Variants in RANBP2 observed in about 807,000 individuals in gnomAD.
The protein encoded by RANBP2 is E3 SUMO-protein ligase RanBP2.
A neutral mutation model predicts 303.6 loss-of-function variants in RANBP2; 57 were observed. That is an observed-to-expected ratio of 0.19 (90% CI 0.15 to 0.23). The LOEUF is 0.23. Among genes scored for constraint, RANBP2 ranks in the 10% least tolerant of loss-of-function variants. RANBP2 has a pLI of 1.00. For synonymous variants in RANBP2, 1,167 were observed against 1,301.5 expected (o/e 0.90, Z 2.23); for missense variants, 3,138 against 3,780.8 (o/e 0.83, Z 4.46).
At chr2:108,801,973 G>A in the RANBP2 span, among the ~76,000 whole-genome samples, 10 of 92,216 alleles carry the variant, frequency 1.1e-4, no homozygotes, top group African/African-American at 3.4e-4. Context: ...GCTCTGTTCT[G>A]TTCCATTGAT....
the RANBP2 span, among the ~76,000 whole-genome samples, chr2:109,382,594 C>T: frequency 3.9e-5 from 6 of 152,192 alleles, no homozygotes; most frequent in African/African-American, 1.2e-4. Flanking sequence ...GCACCCCAGT[C>T]GTCTCCAGGA....
chr2:109,633,159 T>TG, the RANBP2 span, among the ~76,000 whole-genome samples: 3 of 152,054 alleles, frequency 2.0e-5, no homozygotes, highest in African/African-American at 7.2e-5. Context: ...TGGGAGGCCA[T>TG]GGCGGGTGGA....
At chr2:109,391,208 AG>A in the RANBP2 span, among the ~76,000 whole-genome samples, 1 of 152,254 alleles carries the variant, frequency 6.6e-6, no homozygotes, top group Non-Finnish European at 1.5e-5. Context: ...TGTGCAGTGC[AG>A]GTCTGCACCT....
At chr2:109,300,859 A>C in the RANBP2 span, among the ~76,000 whole-genome samples, 5,218 of 152,200 alleles carry the variant, frequency 0.034, 155 homozygotes, top group Non-Finnish European at 0.049. Context: ...AATCAGAACG[A>C]CTTAAAAAGC....
chr2:108,759,055 G>C (rs143990090), intron 18 of RANBP2, among the ~76,000 whole-genome samples: 3,265 of 149,910 alleles, frequency 0.022, 140 homozygotes, highest in African/African-American at 0.078. Flanking sequence ...AAGATAACCT[G>C]TCTGAAACGT....
At chr2:109,678,361 T>C in the RANBP2 span, among the ~76,000 whole-genome samples, 1 of 152,254 alleles carries the variant, frequency 6.6e-6, no homozygotes, top group Non-Finnish European at 1.5e-5. Flanking sequence ...GCCTGCCTTC[T>C]GCTCCCTGCA....
At chr2:108,956,553 C>A in the RANBP2 span, among the ~76,000 whole-genome samples, 2 of 152,208 alleles carry the variant, frequency 1.3e-5, no homozygotes, top group African/African-American at 4.8e-5. Context: ...TCTGGCAAGG[C>A]ACAAGGCTCC....
At chr2:109,507,468 C>T in the RANBP2 span, among the ~76,000 whole-genome samples, 6 of 152,202 alleles carry the variant, frequency 3.9e-5, no homozygotes, top group Admixed American at 2.6e-4. Flanking sequence ...GCTTCTGTTC[C>T]GCCTGTGGTC....
the RANBP2 span, among the ~76,000 whole-genome samples, chr2:109,456,927 G>A: frequency 6.6e-6 from 1 of 152,248 alleles, no homozygotes; most frequent in Non-Finnish European, 1.5e-5. Context: ...ACGAGGGAAG[G>A]AGCACAGTCA....
At chr2:109,432,374 C>A in the RANBP2 span, 9 of 1,188,832 alleles carry the variant, frequency 7.6e-6, no homozygotes, top group African/African-American at 1.5e-5. Context: ...ACTGCAGAGC[C>A]CCCATAGACT....
the RANBP2 span, among the ~76,000 whole-genome samples, chr2:109,714,342 G>T: frequency 6.6e-6 from 1 of 151,778 alleles, no homozygotes; most frequent in Non-Finnish European, 1.5e-5. Flanking sequence ...TCGCTCTGTC[G>T]CCAGGCTGGA....
chr2:109,065,605 G>A, the RANBP2 span, among the ~76,000 whole-genome samples: 1 of 152,228 alleles, frequency 6.6e-6, no homozygotes, highest in African/African-American at 2.4e-5. Context: ...AGCCTGGAAA[G>A]GAGGCGGTCC....
At chr2:108,876,162 A>G in the RANBP2 span, 3 of 1,612,356 alleles carry the variant, frequency 1.9e-6, no homozygotes, top group African/African-American at 4.0e-5. Context: ...ACAAACCCAG[A>G]GCATGCATTT....
chr2:109,602,367 T>C, the RANBP2 span, among the ~76,000 whole-genome samples: 1 of 152,062 alleles, frequency 6.6e-6, no homozygotes, highest in Non-Finnish European at 1.5e-5. Context: ...TGGAACTAAA[T>C]CTCAAGGCTT....
chr2:109,640,686 G>C, the RANBP2 span, among the ~76,000 whole-genome samples: 1 of 152,068 alleles, frequency 6.6e-6, no homozygotes, highest in Non-Finnish European at 1.5e-5. Flanking sequence ...CTGCTCTTAG[G>C]AGTCCCGGCC....
intron 1 of RANBP2, among the ~76,000 whole-genome samples, chr2:108,721,526 C>T (rs1229964954): frequency 1.3e-5 from 2 of 152,124 alleles, no homozygotes; most frequent in African/African-American, 2.4e-5. Context: ...CTGCACCTTC[C>T]GCCTCCCCAG....
chr2:109,403,302 T>G, the RANBP2 span, among the ~76,000 whole-genome samples: 2 of 152,192 alleles, frequency 1.3e-5, no homozygotes, highest in African/African-American at 2.4e-5. Context: ...TCCTTCGGCT[T>G]CTTCTGCTGA....
At chr2:108,743,982 T>C (rs1262267800) in intron 7 of RANBP2, among the ~76,000 whole-genome samples, 2 of 152,236 alleles carry the variant, frequency 1.3e-5, no homozygotes, top group East Asian at 3.8e-4. Flanking sequence ...GGCATTTGGG[T>C]ATTTAAGAAT....
chr2:109,439,147 T>A, the RANBP2 span, among the ~76,000 whole-genome samples: 1 of 152,132 alleles, frequency 6.6e-6, no homozygotes, highest in African/African-American at 2.4e-5. Context: ...CAAAAGAAAT[T>A]GGCAAGGCTG....
Sources: allele counts gnomAD v4.1 joint callset (sites outside exome capture counted in the v4.1 genomes callset), GRCh38; gene constraint gnomAD v4.1.1; transcripts MANE v1.5; gene names NCBI Gene and HGNC (gene_info 2026-07-23, HGNC 2026-07-21).